The following ITGA6 variants were observed in gnomAD, a reference collection of about 807,000 sequenced individuals.
ITGA6 encodes integrin alpha-6.
ITGA6 carries 63 observed loss-of-function variants against 133.6 expected under a neutral mutation model. That is an observed-to-expected ratio of 0.47 (90% CI 0.38 to 0.58). The LOEUF (loss-of-function observed/expected upper bound fraction) is 0.58. Ranked by LOEUF, ITGA6 falls within the 20% of genes least tolerant of loss-of-function variation. The pLI is 0.00. For missense variants in ITGA6, 1,068 were observed against 1,309.4 expected (o/e 0.82, Z 2.85); for synonymous variants, 434 against 482.0 (o/e 0.90, Z 1.30).
At chr2:172,435,380 T>C (rs754846222) in intron 1 of ITGA6, among the ~76,000 whole-genome samples, 20 of 152,082 alleles carry the variant, frequency 1.3e-4, no homozygotes, top group Non-Finnish European at 2.2e-4. Flanking sequence ...TCCCCTGATA[T>C]ATCTTGCGGG....
At chr2:172,492,952 A>G (rs1686982948) in intron 23 of ITGA6, among the ~76,000 whole-genome samples, 1 of 152,142 alleles carries the variant, frequency 6.6e-6, no homozygotes, top group African/African-American at 2.4e-5. Flanking sequence ...TCTGTTACCC[A>G]GGCTGGAGTG....
Position 172,474,019 on chromosome 2 carries a change from T to G in ITGA6, c.776-36T>G, listed in dbSNP as rs1402384367. ...ATGTCATAGGCCTAAAATATATGGATTGATGTGAGGGGCTCTATATATTTT... is the reference window on the plus strand; with the variant it reads ...ATGTCATAGGCCTAAAATATATGGAGTGATGTGAGGGGCTCTATATATTTT... On this transcript the variant is annotated intron_variant, in intron 5 of 25. Transcript: ENST00000684293. 2.1e-6 allele frequency: 3 copies of G among 1,442,020 alleles called. No homozygotes were observed. In the East Asian group the frequency reaches 6.8e-5, roughly 33 times the overall value. 89.3% of individuals were successfully genotyped at this position (1,442,020 alleles called of 1,614,324 possible).
rs187029170 is a variant in ITGA6, at chr2:172,465,193, C to T, written c.183-346C>T. The T allele has an allele frequency of 1.4e-4, 45 of 332,648 alleles. No homozygotes were observed. The East Asian group carries it at 2.6e-3, about 19-fold the overall frequency. The allele number at this position is 332,648 out of a possible 1,614,324, so 20.6% of individuals were successfully genotyped here. A position where few individuals can be genotyped will look rare whatever the true frequency, so the allele number is the denominator to read the frequency against. The stretch of plus-strand genomic sequence containing the variant: ...GTATTTGGTTTCTTCTCTTGAGTTT[C>T]ATATGATATCCCTGGCATCATAGGG... On this transcript the variant is annotated intron_variant, in intron 1 of 25. Coordinates refer to ENST00000684293, the MANE Select transcript of ITGA6 (RefSeq NM_000210.4).
chr2:172,456,200 A>G (rs986650030), intron 1 of ITGA6, among the ~76,000 whole-genome samples: 2 of 152,322 alleles, frequency 1.3e-5, no homozygotes, highest in African/African-American at 4.8e-5. Flanking sequence ...CTGGAGGGTC[A>G]AGCTGCGGGA....
intron 1 of ITGA6, among the ~76,000 whole-genome samples, chr2:172,446,447 G>C (rs1170605683): frequency 6.6e-6 from 1 of 152,162 alleles, no homozygotes; most frequent in African/African-American, 2.4e-5. Context: ...CAACATGCTA[G>C]AATTTAAAAT....
At chr2:172,489,442 T>C (rs1255368505) in intron 19 of ITGA6, 43 bp from the exon 20 acceptor site, 2 of 1,460,590 alleles carry the variant, frequency 1.4e-6, no homozygotes, top group African/African-American at 2.8e-5. Context: ...TAAATTTACA[T>C]TGAGAAGATT....
At chr2:172,429,201 G>C (rs946718640) in intron 1 of ITGA6, among the ~76,000 whole-genome samples, 1 of 151,380 alleles carries the variant, frequency 6.6e-6, no homozygotes, top group African/African-American at 2.4e-5. Context: ...GATAACACCT[G>C]CTAGGTGAAG....
In ITGA6 at chr2:172,494,457, AAG is replaced by A. The variant is rs113836128; in HGVS notation, c.2988+2937_2988+2938del. ...CAGGAAGTCGAGGCTGCAGTGAGCC[AAG>A]AGTGTGCCACTACACTCCAGCCAGG... On this transcript the variant is annotated intron_variant, in intron 23 of 25. Coordinates refer to ENST00000684293, the MANE Select transcript of ITGA6 (RefSeq NM_000210.4). Among the ~76,000 whole-genome samples the A allele has an allele frequency of 6.2e-3, 950 of 152,296 alleles. 15 individuals are homozygous for A. Among genetic ancestry groups the A allele is most frequent in the African/African-American group, 0.022 (910 of 41,576 alleles).
intron 8 of ITGA6, 77 bp downstream of exon 8, chr2:172,475,762 CTT>C (rs1338049298): frequency 7.3e-6 from 6 of 820,280 alleles, no homozygotes; most frequent in Non-Finnish European, 1.1e-5. Context: ...GTTTAAGTGA[CTT>C]TTCACACAAA....
intron 1 of ITGA6, among the ~76,000 whole-genome samples, chr2:172,435,027 A>AGTGTGTGTGTGTGTGTGTGT (rs72087668): frequency 2.8e-5 from 4 of 144,068 alleles, no homozygotes; most frequent in African/African-American, 1.0e-4. Flanking sequence ...GGTGGTTTTA[A>AGTGTGTGTGTGTGTGTGTGT]GTGTGTGTGT....
intron 1 of ITGA6, among the ~76,000 whole-genome samples, chr2:172,438,618 G>T (rs1455540493): frequency 4.0e-5 from 6 of 151,796 alleles, no homozygotes; most frequent in Non-Finnish European, 7.4e-5. Context: ...ACCTCAGAGG[G>T]TTGTGAACAT....
chr2:172,476,453 A>C lies in ITGA6; in HGVS notation c.1328A>C (p.Asp443Ala). 1 of 1,613,182 alleles carries C rather than the reference A, an allele frequency of 6.2e-7. No homozygotes were observed. The highest frequency in any genetic ancestry group is 8.5e-7 in the Non-Finnish European group (1 of 1,179,304). The change falls in exon 9 of 26, where the codon GAT (aspartate) becomes GCT (alanine). Residue 443 changes from aspartate (D) to alanine (A), a missense_variant. Around this residue, in one of 3 missense-constraint regions of ITGA6, gnomAD observed 317 missense variants for 456.9 expected, o/e 0.69. Transcript: ENST00000684293. Reference sequence around the variant, plus strand: ...TCAATTGCTGGAAACATGGACCTTGATCGAAATTCCTACCCTGATGTTGCT... The same window carrying C: ...TCAATTGCTGGAAACATGGACCTTGCTCGAAATTCCTACCCTGATGTTGCT... ...GYSIAGNMDL[D>A]RNSYPDVAVG...
At chr2:172,428,092 G>A (rs1574302541) in intron 1 of ITGA6, 122 bp downstream of exon 1, 5 of 963,698 alleles carry the variant, frequency 5.2e-6, no homozygotes, top group African/African-American at 1.8e-5. Flanking sequence ...CGCCCGGGCC[G>A]GCCGAGGCGC....
chr2:172,464,260 C>T (rs1685553426), intron 1 of ITGA6: 1 of 152,148 alleles, frequency 6.6e-6, no homozygotes, highest in Non-Finnish European at 1.5e-5. Flanking sequence ...TATGTTGAAT[C>T]CTTTATTGGA....
intron 13 of ITGA6, 43 bp downstream of exon 13, chr2:172,485,307 T>C (rs768995675): frequency 4.5e-5 from 70 of 1,552,292 alleles, no homozygotes; most frequent in Non-Finnish European, 5.7e-5. Context: ...TTTTTTGCCA[T>C]TTATGATGCT....
At chr2:172,432,648 A>G (rs1684149999) in intron 1 of ITGA6, among the ~76,000 whole-genome samples, 1 of 152,044 alleles carries the variant, frequency 6.6e-6, no homozygotes, top group African/African-American at 2.4e-5. Context: ...TTGGTTTTTG[A>G]TTTTTCAAAG....
At chr2:172,473,801 T>A (rs1168345845) in intron 5 of ITGA6, among the ~76,000 whole-genome samples, 1 of 152,178 alleles carries the variant, frequency 6.6e-6, no homozygotes, top group African/African-American at 2.4e-5. Flanking sequence ...ACTTCAAAAT[T>A]CAAGTTATAC....
chr2:172,437,120 T>G (rs1684352062), intron 1 of ITGA6, among the ~76,000 whole-genome samples: 1 of 152,198 alleles, frequency 6.6e-6, no homozygotes, highest in Non-Finnish European at 1.5e-5. Context: ...GGAGGCAGAT[T>G]GTATAGGGCC....
rs1226272854 is a variant in ITGA6, at chr2:172,489,468, G to A, written c.2506-17G>A. 4 of 1,578,208 alleles carry A rather than the reference G, an allele frequency of 2.5e-6. No individual in the cohort carries two copies. The highest frequency in any genetic ancestry group is 3.5e-6 in the Non-Finnish European group (4 of 1,147,520). On this transcript the variant is annotated splice_polypyrimidine_tract_variant and intron_variant, in intron 19 of 25. Transcript: ENST00000684293. ...TGAGAAGATTAGACTGAGATAATAT[G>A]TATTATTTTCTAACAGGTAATAAAC...
Sources: allele counts gnomAD v4.1 joint callset (sites outside exome capture counted in the v4.1 genomes callset), GRCh38; gene constraint gnomAD v4.1.1; regional missense constraint gnomAD v4.1.1; transcripts MANE v1.5; gene names NCBI Gene and HGNC (gene_info 2026-07-23, HGNC 2026-07-21).